LCORL: variants seen among roughly 807,000 people sequenced by gnomAD.
LCORL encodes ligand-dependent nuclear receptor corepressor-like protein.
LCORL carries 41 observed loss-of-function variants against 141.8 expected under a neutral mutation model. The ratio of observed to expected loss-of-function variants is 0.29; its 90% CI spans 0.23 to 0.38. The LOEUF is 0.38. Among genes scored for constraint, LCORL ranks in the 10% least tolerant of loss-of-function variants. The pLI is 1.00. For synonymous variants in LCORL, 618 were observed against 694.1 expected (o/e 0.89, Z 1.72); for missense variants, 1,759 against 2,035.0 (o/e 0.86, Z 2.61).
intron 2 of LCORL, among the ~76,000 whole-genome samples, chr4:17,963,819 C>A (rs922553707): frequency 6.6e-6 from 1 of 151,896 alleles, no homozygotes; most frequent in Non-Finnish European, 1.5e-5. Context: ...AAACTCTCCC[C>A]AATTTCTATT....
chr4:18,003,892 T>C (rs920242015), intron 1 of LCORL, among the ~76,000 whole-genome samples: 47 of 152,216 alleles, frequency 3.1e-4, no homozygotes, highest in African/African-American at 1.1e-3. Context: ...GGATAAATTT[T>C]CCTGACAGAA....
At chr4:18,012,590 T>C (rs1470719147) in intron 1 of LCORL, among the ~76,000 whole-genome samples, 3 of 152,128 alleles carry the variant, frequency 2.0e-5, no homozygotes, top group African/African-American at 4.8e-5. Context: ...AAATTAATTG[T>C]AGAAAAAAAC....
chr4:17,953,155 A>T (rs1480452463), intron 4 of LCORL, among the ~76,000 whole-genome samples: 1 of 152,216 alleles, frequency 6.6e-6, no homozygotes, highest in Non-Finnish European at 1.5e-5. Context: ...ACTGATGGGC[A>T]TTTAGGTTGA....
chr4:17,964,738 T>A (rs903528494), intron 2 of LCORL, among the ~76,000 whole-genome samples: 4 of 152,072 alleles, frequency 2.6e-5, no homozygotes, highest in African/African-American at 9.7e-5. Context: ...CAGCCTGAAG[T>A]CCAGCTGAAC....
At chr4:17,915,542 G>C (rs1437875649) in intron 4 of LCORL, among the ~76,000 whole-genome samples, 1 of 152,192 alleles carries the variant, frequency 6.6e-6, no homozygotes, top group Non-Finnish European at 1.5e-5. Context: ...AAACCAGGAA[G>C]TGGCCTTTGG....
intron 1 of LCORL, among the ~76,000 whole-genome samples, chr4:17,980,356 A>T (rs992982046): frequency 3.9e-5 from 6 of 152,168 alleles, no homozygotes; most frequent in Admixed American, 3.9e-4. Context: ...CTGGGACTGG[A>T]GAAAGGCAAG....
intron 5 of LCORL, among the ~76,000 whole-genome samples, chr4:17,899,888 T>C (rs979961041): frequency 1.3e-5 from 2 of 152,238 alleles, no homozygotes; most frequent in Admixed American, 1.3e-4. Flanking sequence ...AAGGTGTATA[T>C]GAAACAAATG....
In LCORL at chr4:17,985,760, C is replaced by T. The variant is rs148130292; in HGVS notation, c.155-12875G>A. ...TCAAATAGTGCATTTTACCCATTAA[C>T]ATTCAACATTAGTATTGATATGTGT... On this transcript the variant is annotated intron_variant, in intron 1 of 7. Transcript: ENST00000635767. Among the ~76,000 whole-genome samples, 16 of 152,278 alleles carry T rather than the reference C, an allele frequency of 1.1e-4. No homozygotes were observed. The East Asian group carries it at 2.9e-3, about 28-fold the overall frequency.
At chr4:17,889,625 T>C (rs1293009176) in intron 5 of LCORL, among the ~76,000 whole-genome samples, 1 of 151,714 alleles carries the variant, frequency 6.6e-6, no homozygotes, top group Non-Finnish European at 1.5e-5. Context: ...ATAAAGCCTG[T>C]AGTTCAAGGG....
At chr4:17,908,445 C>T (rs1016970037) in intron 5 of LCORL, among the ~76,000 whole-genome samples, 7 of 152,140 alleles carry the variant, frequency 4.6e-5, no homozygotes, top group Admixed American at 2.0e-4. Flanking sequence ...ATTCCTAGTC[C>T]ATATTAACAA....
chr4:17,867,108 C>CA, intron 7 of LCORL: 1 of 276,050 alleles, frequency 3.6e-6, no homozygotes, highest in Non-Finnish European at 5.5e-6. Context: ...TGGATAAAGA[C>CA]AGATATTGAC....
In LCORL at chr4:18,021,446, G is replaced by A; in HGVS notation, c.154+152C>T. 1.6e-6 allele frequency: 1 copy of A among 614,892 alleles called. No individual in the cohort carries two copies. Among genetic ancestry groups the A allele is most frequent in the Non-Finnish European group, 2.6e-6 (1 of 388,132 alleles). 38.1% of individuals were successfully genotyped at this position (614,892 alleles called of 1,614,324 possible). A position where few individuals can be genotyped will look rare whatever the true frequency, so the allele number is the denominator to read the frequency against. On this transcript the variant is annotated intron_variant, in intron 1 of 7. Coordinates refer to ENST00000635767, the Ensembl canonical transcript of LCORL. The surrounding 1 kb of genome is among the most constrained non-coding windows in gnomAD (Gnocchi z 5.5). ...GCAGCCCGCAAGACAAAAGGCGAGC[G>A]CCGGGGCCGCCGCGCCGCGCCGCTC...
intron 4 of LCORL, among the ~76,000 whole-genome samples, chr4:17,947,469 T>A (rs1739066854): frequency 6.6e-6 from 1 of 151,626 alleles, no homozygotes; most frequent in African/African-American, 2.4e-5. Context: ...ATTTGTTGGT[T>A]TTTTTTTAGA....
chr4:17,876,495 T>C, exon 7 of LCORL: 1 of 1,230,960 alleles, frequency 8.1e-7, no homozygotes, highest in Middle Eastern at 3.1e-4. Context: ...CACTTGTAAA[T>C]TAGAATTCAT....
chr4:17,955,266 ATGAC>A (rs1341580180), intron 4 of LCORL, among the ~76,000 whole-genome samples: 2 of 152,232 alleles, frequency 1.3e-5, no homozygotes, highest in African/African-American at 4.8e-5. Context: ...AAGATGAGAA[ATGAC>A]TGGCATTCCT....
At chr4:18,013,517 G>T (rs748658737) in intron 1 of LCORL, among the ~76,000 whole-genome samples, 1 of 152,136 alleles carries the variant, frequency 6.6e-6, no homozygotes, top group Non-Finnish European at 1.5e-5. Flanking sequence ...TATTATCCCA[G>T]TTTCATAGGT....
At chr4:17,907,424 TTAAG>T (rs1006029726) in intron 5 of LCORL, among the ~76,000 whole-genome samples, 39 of 152,316 alleles carry the variant, frequency 2.6e-4, no homozygotes, top group African/African-American at 8.9e-4. Context: ...TTCAAGTAAC[TTAAG>T]TAAGTAGCAG....
intron 1 of LCORL, among the ~76,000 whole-genome samples, chr4:17,982,080 T>C (rs1718082263): frequency 6.6e-6 from 1 of 150,996 alleles, no homozygotes; most frequent in African/African-American, 2.4e-5. Flanking sequence ...TTCTTTTTCA[T>C]GGCTGCATAG....
At chr4:17,920,903 G>A (rs1734188388) in intron 4 of LCORL, among the ~76,000 whole-genome samples, 1 of 152,186 alleles carries the variant, frequency 6.6e-6, no homozygotes, top group Admixed American at 6.5e-5. Flanking sequence ...ATCTGCAGCT[G>A]CTTCCTCTTG....
Sources: allele counts gnomAD v4.1 joint callset (sites outside exome capture counted in the v4.1 genomes callset), GRCh38; gene constraint gnomAD v4.1.1; non-coding constraint Gnocchi (gnomAD v3.1); transcripts MANE v1.5; gene names NCBI Gene and HGNC (gene_info 2026-07-23, HGNC 2026-07-21).